SPAG17: variants seen among roughly 807,000 people sequenced by gnomAD.
The protein encoded by SPAG17 is sperm-associated antigen 17.
SPAG17 carries 169 observed loss-of-function variants against 273.6 expected under a neutral mutation model. The ratio of observed to expected loss-of-function variants is 0.62; its 90% CI spans 0.55 to 0.70. The LOEUF (loss-of-function observed/expected upper bound fraction) is 0.70. SPAG17 is among the 30% of genes least tolerant of loss of function. The probability of loss-of-function intolerance (pLI) is 0.00; values close to 1 mark genes in which losing one functional copy is unlikely to be tolerated. For missense variants in SPAG17, 2,557 were observed against 2,627.8 expected, an observed-to-expected ratio of 0.97 and a Z score of 0.59; for synonymous variants, 825 against 873.2, an observed-to-expected ratio of 0.94 and a Z score of 0.97.
At chr1:118,041,169 A>T (rs1649707689) in intron 21 of SPAG17, among the ~76,000 whole-genome samples, 1 of 152,140 alleles carries the variant, frequency 6.6e-6, no homozygotes, top group African/African-American at 2.4e-5. Context: ...TTTAAAGTGA[A>T]CTGATGCTGT....
At chr1:118,062,692 T>C (rs1652467927) in intron 18 of SPAG17, among the ~76,000 whole-genome samples, 1 of 152,058 alleles carries the variant, frequency 6.6e-6, no homozygotes, top group African/African-American at 2.4e-5. Context: ...TTTAAAAATG[T>C]TTTTTCCCAT....
chr1:118,010,370 T>C (rs1221482036), intron 30 of SPAG17, among the ~76,000 whole-genome samples: 4 of 151,974 alleles, frequency 2.6e-5, no homozygotes, highest in African/African-American at 9.7e-5. Flanking sequence ...AACAGACACA[T>C]AGACCAATGG....
At chr1:117,954,752 T>C (rs1305797030) in intron 48 of SPAG17, 3 of 1,036,294 alleles carry the variant, frequency 2.9e-6, no homozygotes, top group African/African-American at 3.3e-5. Context: ...CAAAAGTCTC[T>C]TTTGAATCTT....
At chr1:117,988,926 T>C (rs893334553) in intron 38 of SPAG17, among the ~76,000 whole-genome samples, 30 of 152,346 alleles carry the variant, frequency 2.0e-4, no homozygotes, top group African/African-American at 7.2e-4. Flanking sequence ...ATCATTTTAA[T>C]TAACATGTCA....
intron 18 of SPAG17, among the ~76,000 whole-genome samples, chr1:118,062,690 T>C (rs951338191): frequency 6.6e-6 from 1 of 152,118 alleles, no homozygotes; most frequent in Non-Finnish European, 1.5e-5. Flanking sequence ...TTTTTAAAAA[T>C]GTTTTTTCCC....
intron 10 of SPAG17, among the ~76,000 whole-genome samples, chr1:118,088,702 CA>C (rs1655166664): frequency 6.6e-6 from 1 of 151,846 alleles, no homozygotes; most frequent in Non-Finnish European, 1.5e-5. Flanking sequence ...AGAGAATTTA[CA>C]AATTAAAAAC....
At chr1:118,142,180 C>G (rs1057359698) in intron 3 of SPAG17, among the ~76,000 whole-genome samples, 1 of 152,166 alleles carries the variant, frequency 6.6e-6, no homozygotes, top group Non-Finnish European at 1.5e-5. Flanking sequence ...ACACATGGTA[C>G]AACATGAATG....
chr1:117,968,309 T>C (rs2101471948), intron 46 of SPAG17, among the ~76,000 whole-genome samples: 1 of 152,350 alleles, frequency 6.6e-6, no homozygotes, highest in East Asian at 1.9e-4. Flanking sequence ...TTTTAGTACC[T>C]ATAAAAGTTG....
chr1:117,985,852 A>G (rs1314671091), intron 40 of SPAG17, among the ~76,000 whole-genome samples: 1 of 152,186 alleles, frequency 6.6e-6, no homozygotes, highest in Non-Finnish European at 1.5e-5. Context: ...TCCAAATCAC[A>G]TTACCAATAA....
rs151037551 is a variant in SPAG17, at chr1:118,036,524, T to C, written c.3433+246A>G. 3.5e-3 allele frequency: 834 copies of C among 238,966 alleles called. 4 individuals carry two copies. The highest frequency in any genetic ancestry group is 4.3e-3 in the African/African-American group (183 of 42,990). The allele number at this position is 238,966 out of a possible 1,614,324, so 14.8% of individuals were successfully genotyped here. A position where few individuals can be genotyped will look rare whatever the true frequency, so the allele number is the denominator to read the frequency against. On this transcript the variant is annotated intron_variant, in intron 24 of 48. Transcript: ENST00000336338. ...ATAAGTGATTATATAAAAGATTATA[T>C]AAAATGTCAAAGCATTTTTATTTTG...
chr1:118,100,037 G>A (rs989642893), intron 5 of SPAG17, among the ~76,000 whole-genome samples: 9 of 152,178 alleles, frequency 5.9e-5, no homozygotes, highest in Non-Finnish European at 1.0e-4. Flanking sequence ...CGACATAGGC[G>A]TAATAGAAGG....
At chr1:118,011,123 G>C (rs1447683346) in intron 30 of SPAG17, among the ~76,000 whole-genome samples, 2 of 152,142 alleles carry the variant, frequency 1.3e-5, no homozygotes, top group Non-Finnish European at 1.5e-5. Context: ...ACTGCTGGTG[G>C]GAATTTAAAT....
intron 22 of SPAG17, among the ~76,000 whole-genome samples, chr1:118,040,352 C>T (rs988336651): frequency 2.6e-5 from 4 of 152,170 alleles, no homozygotes; most frequent in Admixed American, 6.5e-5. Context: ...TCCAGAGCTA[C>T]ACCAGAAAAA....
At chr1:118,123,072 T>C (rs1433070508) in intron 3 of SPAG17, among the ~76,000 whole-genome samples, 1 of 152,182 alleles carries the variant, frequency 6.6e-6, no homozygotes, top group Non-Finnish European at 1.5e-5. Context: ...CAGTGTATAA[T>C]GGGGAGGATG....
chr1:118,055,607 A>G, intron 19 of SPAG17, 126 bp downstream of exon 19: 1 of 716,182 alleles, frequency 1.4e-6, no homozygotes, highest in South Asian at 1.9e-5. Context: ...GAGAAAGTGA[A>G]GAGTCACAGG....
intron 7 of SPAG17, among the ~76,000 whole-genome samples, chr1:118,094,812 A>G (rs948856789): frequency 2.0e-5 from 3 of 152,148 alleles, no homozygotes; most frequent in Non-Finnish European, 4.4e-5. Flanking sequence ...CACAAACCAT[A>G]TCTTACAGAA....
At chr1:118,024,570 A>G (rs1647513258) in intron 27 of SPAG17, among the ~76,000 whole-genome samples, 2 of 151,878 alleles carry the variant, frequency 1.3e-5, no homozygotes, top group Non-Finnish European at 1.5e-5. Flanking sequence ...TTTCTCATTG[A>G]GAATCCCTTT....
chr1:118,171,755 G>A (rs915250048), intron 1 of SPAG17, among the ~76,000 whole-genome samples: 1 of 152,078 alleles, frequency 6.6e-6, no homozygotes, highest in Non-Finnish European at 1.5e-5. Context: ...CACTGCTGTA[G>A]AGAGTGACGT....
chr1:118,077,293 T>G (rs1654181592), intron 15 of SPAG17, among the ~76,000 whole-genome samples: 7 of 152,060 alleles, frequency 4.6e-5, no homozygotes, highest in Admixed American at 4.6e-4. Flanking sequence ...CCCTTTCAAA[T>G]GGAATGGCTC....
Sources: gnomAD v4.1 joint callset for allele counts (sites outside exome capture counted in the v4.1 genomes callset) on GRCh38, gnomAD v4.1.1 for gene constraint, MANE v1.5 for transcripts, NCBI Gene and HGNC (gene_info 2026-07-23, HGNC 2026-07-21) for gene names.